LHFPL3: variants seen among roughly 807,000 people sequenced by gnomAD.
The protein encoded by LHFPL3 is LHFPL tetraspan subfamily member 3.
Under a neutral mutation model 19.3 loss-of-function variants are expected in LHFPL3, and 5 were observed. The ratio of observed to expected loss-of-function variants is 0.26; its 90% confidence interval spans 0.14 to 0.54. The LOEUF (loss-of-function observed/expected upper bound fraction) is 0.54. Among genes scored for constraint, LHFPL3 ranks in the 20% least tolerant of loss-of-function variants. The probability of loss-of-function intolerance (pLI) is 0.94; values close to 1 mark genes in which losing one functional copy is unlikely to be tolerated. For missense variants in LHFPL3, 249 were observed against 307.4 expected (o/e 0.81, Z 1.42); for synonymous variants, 133 against 126.2 (o/e 1.05, Z -0.36).
chr7:104,331,273 T>C lies in LHFPL3; in HGVS notation c.445+2049T>C, dbSNP rs574200676. Among the ~76,000 whole-genome samples the C allele has an allele frequency of 7.9e-4, 120 of 152,372 alleles. 2 individuals carry two copies. In the South Asian group the frequency reaches 8.5e-3, roughly 11 times the overall value. On this transcript the variant is annotated intron_variant, in intron 1 of 2. Coordinates refer to ENST00000424859, the MANE Select transcript of LHFPL3 (RefSeq NM_199000.3). The stretch of plus-strand genomic sequence containing the variant: ...GTTCTCAGGCATTTGACATCAATGT[T>C]TATCCTGTTTTCCACGTCATGTAAA...
chr7:104,479,395 T>TC (rs961416439), intron 1 of LHFPL3, among the ~76,000 whole-genome samples: 1 of 78,426 alleles, frequency 1.3e-5, no homozygotes, highest in African/African-American at 3.2e-5. Context: ...TTCTTCCACT[T>TC]CTTTTTTTTT....
chr7:104,623,563 G>A (rs918049160), intron 1 of LHFPL3, among the ~76,000 whole-genome samples: 2 of 152,238 alleles, frequency 1.3e-5, no homozygotes, highest in Non-Finnish European at 2.9e-5. Flanking sequence ...CTGGGAGGAG[G>A]AGTTTGCAGT....
chr7:104,812,803 C>CAAAA (rs59809377), intron 2 of LHFPL3, among the ~76,000 whole-genome samples: 3 of 31,314 alleles, frequency 9.6e-5, no homozygotes, highest in Non-Finnish European at 1.1e-4. Flanking sequence ...GACTCCATCT[C>CAAAA]AAAAAAAAAA....
intron 1 of LHFPL3, among the ~76,000 whole-genome samples, chr7:104,614,422 G>C (rs1438358594): frequency 1.3e-5 from 2 of 152,006 alleles, no homozygotes; most frequent in Non-Finnish European, 2.9e-5. Context: ...TGTCTATTTT[G>C]TTTACCACCT....
intron 1 of LHFPL3, among the ~76,000 whole-genome samples, chr7:104,496,351 T>G (rs900566070): frequency 2.8e-4 from 43 of 152,366 alleles, no homozygotes; most frequent in African/African-American, 9.4e-4. Context: ...TGCCACATTT[T>G]CTTAATCCAG....
At chr7:104,357,486 A>G (rs1260665842) in intron 1 of LHFPL3, among the ~76,000 whole-genome samples, 3 of 152,196 alleles carry the variant, frequency 2.0e-5, no homozygotes, top group African/African-American at 7.2e-5. Flanking sequence ...CGTAAGCACT[A>G]ACTTTCGGGT....
chr7:104,796,262 G>A (rs1167993062), intron 2 of LHFPL3, among the ~76,000 whole-genome samples: 1 of 152,174 alleles, frequency 6.6e-6, no homozygotes, highest in Non-Finnish European at 1.5e-5. Context: ...GTGACCGGGG[G>A]GCTGGTTTGT....
At chr7:104,409,195 C>A (rs2116509057) in intron 1 of LHFPL3, among the ~76,000 whole-genome samples, 1 of 152,058 alleles carries the variant, frequency 6.6e-6, no homozygotes, top group Non-Finnish European at 1.5e-5. Context: ...AATTTTCTAA[C>A]CCTGTTGACA....
chr7:104,853,981 A>G (rs536231106), intron 2 of LHFPL3, among the ~76,000 whole-genome samples: 3 of 152,356 alleles, frequency 2.0e-5, no homozygotes, highest in Non-Finnish European at 2.9e-5. Context: ...AGGTGCTTGC[A>G]TTTAGACAAG....
chr7:104,588,036 AT>A (rs1215924120), intron 1 of LHFPL3, among the ~76,000 whole-genome samples: 2 of 152,008 alleles, frequency 1.3e-5, no homozygotes, highest in Non-Finnish European at 2.9e-5. Context: ...AGATGAGTAG[AT>A]TGTAAAAATT....
At chr7:104,349,924 C>T (rs537135504) in intron 1 of LHFPL3, among the ~76,000 whole-genome samples, 10 of 152,212 alleles carry the variant, frequency 6.6e-5, no homozygotes, top group Admixed American at 2.0e-4. Flanking sequence ...AGTGTTATTG[C>T]GAAGCTAGTT....
chr7:104,575,588 AG>A (rs1790322801), intron 1 of LHFPL3, among the ~76,000 whole-genome samples: 3 of 134,180 alleles, frequency 2.2e-5, no homozygotes, highest in African/African-American at 8.3e-5. Flanking sequence ...AAAAAAAAAC[AG>A]AAACAAGCAA....
chr7:104,660,004 G>GTTTTTT (rs35499793), intron 1 of LHFPL3, among the ~76,000 whole-genome samples: 1 of 140,474 alleles, frequency 7.1e-6, no homozygotes, highest in Non-Finnish European at 1.5e-5. Flanking sequence ...ACAGCAACTC[G>GTTTTTT]TTTTTTTTTT....
chr7:104,705,295 C>G (rs1388325140), intron 1 of LHFPL3, among the ~76,000 whole-genome samples: 1 of 152,046 alleles, frequency 6.6e-6, no homozygotes, highest in East Asian at 1.9e-4. Context: ...CATTTTAAGT[C>G]TCTAGCCTCC....
chr7:104,449,496 G>A (rs1792390999), intron 1 of LHFPL3, among the ~76,000 whole-genome samples: 1 of 152,134 alleles, frequency 6.6e-6, no homozygotes, highest in African/African-American at 2.4e-5. Context: ...AATCTCATAA[G>A]GAGTTCAAAA....
At chr7:104,855,694 G>A (rs1422326215) in intron 2 of LHFPL3, among the ~76,000 whole-genome samples, 1 of 151,196 alleles carries the variant, frequency 6.6e-6, no homozygotes, top group Non-Finnish European at 1.5e-5. Context: ...CACAATCTCA[G>A]CTCACTGCAA....
chr7:104,586,846 GC>G lies in LHFPL3; in HGVS notation c.446-149828del, dbSNP rs1439891010. ...CCAAGCACATTAACACAATCTGGAG[GC>G]TGCTGGAAGACTACCGGAAAAGTCA... On this transcript the variant is annotated intron_variant, in intron 1 of 2. Coordinates refer to ENST00000424859, the MANE Select transcript of LHFPL3 (RefSeq NM_199000.3). Among the ~76,000 whole-genome samples the G allele has an allele frequency of 5.9e-5, 9 of 152,262 alleles. No homozygotes were observed. The East Asian group carries it at 1.7e-3, about 29-fold the overall frequency.
At chr7:104,466,893 T>A (rs77933804) in intron 1 of LHFPL3, among the ~76,000 whole-genome samples, 1 of 152,218 alleles carries the variant, frequency 6.6e-6, no homozygotes, top group Non-Finnish European at 1.5e-5. Flanking sequence ...TGAAGAATCA[T>A]ATTTCTGACA....
At chr7:104,845,814 T>C (rs1791302751) in intron 2 of LHFPL3, among the ~76,000 whole-genome samples, 1 of 152,204 alleles carries the variant, frequency 6.6e-6, no homozygotes, top group Non-Finnish European at 1.5e-5. Flanking sequence ...GGCATCTCTG[T>C]ACAAACCTTG....
Sources: gnomAD v4.1 joint callset for allele counts (sites outside exome capture counted in the v4.1 genomes callset) on GRCh38, gnomAD v4.1.1 for gene constraint, MANE v1.5 for transcripts, NCBI Gene and HGNC (gene_info 2026-07-23, HGNC 2026-07-21) for gene names.